DOCK3: variants seen among roughly 807,000 people sequenced by gnomAD.
DOCK3 encodes dedicator of cytokinesis 3, also known as dedicator of cytokinesis protein 3.
Under a neutral mutation model 265.6 loss-of-function variants are expected in DOCK3, and 60 were observed. The ratio of observed to expected loss-of-function variants is 0.23; its 90% CI spans 0.18 to 0.28. The LOEUF is 0.28. Among genes scored for constraint, DOCK3 ranks in the 10% least tolerant of loss-of-function variants. DOCK3 has a pLI of 1.00. For synonymous variants in DOCK3, 881 were observed against 938.0 expected, an observed-to-expected ratio of 0.94 and a Z score of 1.11; for missense variants, 1,981 against 2,594.3, an observed-to-expected ratio of 0.76 and a Z score of 5.14.
chr3:50,909,083 CTCTT>C (rs1237515243), intron 4 of DOCK3, among the ~76,000 whole-genome samples: 8 of 151,760 alleles, frequency 5.3e-5, no homozygotes, highest in Admixed American at 5.3e-4. Context: ...TTTCCTCCAT[CTCTT>C]TATTTTGAGC....
intron 2 of DOCK3, among the ~76,000 whole-genome samples, chr3:50,823,582 G>A (rs967906973): frequency 6.6e-6 from 1 of 152,134 alleles, no homozygotes; most frequent in African/African-American, 2.4e-5. Context: ...ACACAGACAC[G>A]GCAACCATCC....
intron 21 of DOCK3, 44 bp from the exon 22 acceptor site, chr3:51,246,682 C>T: frequency 1.3e-6 from 2 of 1,572,986 alleles, no homozygotes; most frequent in Non-Finnish European, 1.7e-6. Flanking sequence ...AGCTGCATTA[C>T]TTTTGAATTA....
intron 4 of DOCK3, among the ~76,000 whole-genome samples, chr3:50,908,210 T>TC: frequency 6.8e-6 from 1 of 146,560 alleles, no homozygotes; most frequent in African/African-American, 2.5e-5. Flanking sequence ...TTTTTTTTTT[T>TC]CATCTCAATT....
At chr3:50,682,720 C>T (rs946715727) in intron 1 of DOCK3, among the ~76,000 whole-genome samples, 1 of 152,232 alleles carries the variant, frequency 6.6e-6, no homozygotes, top group African/African-American at 2.4e-5. Flanking sequence ...GGGTGGATCA[C>T]TTGAGGTCAG....
At position 51,246,771 on chromosome 3, in the gene DOCK3, A is replaced by G. The variant is rs759414081; in HGVS notation, c.2148A>G (p.Glu716=). 6.2e-7 allele frequency: 1 copy of G among 1,613,628 alleles called. No individual in the cohort carries two copies. The highest frequency in any genetic ancestry group is 1.1e-5 in the South Asian group (1 of 90,928). ...AGTGGTATATGGACTGCTCAGCAGAACTGATTCGACAGGACCACATTCAAG... is the reference window on the plus strand; with the variant it reads ...AGTGGTATATGGACTGCTCAGCAGAGCTGATTCGACAGGACCACATTCAAG... ...CLKWYMDCSA[E]LIRQDHIQEA... Residue 716 remains glutamate (E), a synonymous_variant, in exon 22 of 53, where the codon GAA becomes GAG. Coordinates refer to ENST00000266037, the MANE Select transcript of DOCK3 (RefSeq NM_004947.5).
intron 23 of DOCK3, among the ~76,000 whole-genome samples, chr3:51,264,829 A>AAATAAAT (rs1553820740): frequency 1.4e-5 from 2 of 142,160 alleles, no homozygotes; most frequent in Non-Finnish European, 3.0e-5. Flanking sequence ...TCAGTCTCAA[A>AAATAAAT]AAATAAATAA....
intron 5 of DOCK3, among the ~76,000 whole-genome samples, chr3:51,037,807 C>T (rs2080327462): frequency 1.3e-5 from 2 of 152,220 alleles, no homozygotes; most frequent in South Asian, 4.1e-4. Context: ...TCAAAACTAC[C>T]AGTTTATGGT....
chr3:51,174,778 C>T (rs905734245), intron 12 of DOCK3, among the ~76,000 whole-genome samples: 2 of 152,086 alleles, frequency 1.3e-5, no homozygotes, highest in Non-Finnish European at 2.9e-5. Context: ...CTCTTATGTC[C>T]CCAGACTAAT....
chr3:50,886,898 C>A (rs771625102), intron 3 of DOCK3, among the ~76,000 whole-genome samples: 1 of 151,942 alleles, frequency 6.6e-6, no homozygotes, highest in Non-Finnish European at 1.5e-5. Flanking sequence ...TAAATGCCCA[C>A]AAGAGAAAGC....
At chr3:50,847,492 G>A (rs1218835804) in intron 3 of DOCK3, among the ~76,000 whole-genome samples, 1 of 152,126 alleles carries the variant, frequency 6.6e-6, no homozygotes, top group African/African-American at 2.4e-5. Flanking sequence ...TTCTGTACAT[G>A]TCTGTTAGGT....
intron 10 of DOCK3, among the ~76,000 whole-genome samples, chr3:51,155,100 C>G (rs2085784820): frequency 6.6e-6 from 1 of 152,038 alleles, no homozygotes; most frequent in Admixed American, 6.6e-5. Flanking sequence ...CTGCCTCGGT[C>G]TCCTGAGTAG....
rs2049770729 is a variant in DOCK3 at position 50,909,841 on chromosome 3, T to G, written c.218+19760T>G. Among the ~76,000 whole-genome samples the G allele has an allele frequency of 2.0e-5, 3 of 152,070 alleles. No homozygotes were observed. In the South Asian group the frequency reaches 6.2e-4, roughly 32 times the overall value. ...CCAACCTAGTTCTGTTCTCTCCATCTCTTTCAGGTAACTCAATCAGTTGTA... is the reference window on the plus strand; with the variant it reads ...CCAACCTAGTTCTGTTCTCTCCATCGCTTTCAGGTAACTCAATCAGTTGTA... On this transcript the variant is annotated intron_variant, in intron 4 of 52. Coordinates refer to ENST00000266037, the MANE Select transcript of DOCK3 (RefSeq NM_004947.5).
chr3:51,044,697 G>A (rs1352678106), intron 5 of DOCK3, among the ~76,000 whole-genome samples: 1 of 151,866 alleles, frequency 6.6e-6, no homozygotes, highest in Non-Finnish European at 1.5e-5. Context: ...ATGTTCATCA[G>A]TGATCTTAGC....
At chr3:51,174,394 A>G (rs751550306) in intron 12 of DOCK3, among the ~76,000 whole-genome samples, 1 of 152,222 alleles carries the variant, frequency 6.6e-6, no homozygotes, top group Non-Finnish European at 1.5e-5. Context: ...ACTTGAACGC[A>G]GGAGGCGAAG....
chr3:50,936,143 C>A (rs1023369659), intron 5 of DOCK3, among the ~76,000 whole-genome samples: 4 of 151,828 alleles, frequency 2.6e-5, no homozygotes, highest in African/African-American at 9.7e-5. Flanking sequence ...GAACTGAAAT[C>A]TATAATAACC....
chr3:51,160,828 A>G (rs571063450), intron 12 of DOCK3, 126 bp downstream of exon 12: 76 of 1,211,754 alleles, frequency 6.3e-5, no homozygotes, highest in Non-Finnish European at 7.6e-5. Context: ...TGTATTCCCA[A>G]CACTTTGGGA....
chr3:50,761,290 A>G (rs1187474510), intron 1 of DOCK3, among the ~76,000 whole-genome samples: 1 of 152,196 alleles, frequency 6.6e-6, no homozygotes, highest in Non-Finnish European at 1.5e-5. Context: ...TAATAGTCTC[A>G]TGAATATCTT....
In DOCK3 at chr3:50,719,932, CG is replaced by C. The variant is rs2037368600; in HGVS notation, c.37+44633del. 1.3e-5 allele frequency: 7 copies of C among 529,072 alleles called. No homozygotes were observed. In the Admixed American group the frequency reaches 1.9e-4, roughly 14 times the overall value. The allele number at this position is 529,072 out of a possible 1,614,324, so 32.8% of individuals were successfully genotyped here. On this transcript the variant is annotated intron_variant, in intron 1 of 52. Transcript: ENST00000266037. ...GCTTGAAGGAGATGCAGCCCAAGGGCGTACCGTCCACAGTGATGTCGGGGTT... is the reference window on the plus strand; with the variant it reads ...GCTTGAAGGAGATGCAGCCCAAGGGCTACCGTCCACAGTGATGTCGGGGTT...
At chr3:51,268,808 G>T (rs1487469588) in intron 23 of DOCK3, among the ~76,000 whole-genome samples, 1 of 152,026 alleles carries the variant, frequency 6.6e-6, no homozygotes, top group Non-Finnish European at 1.5e-5. Context: ...AGGCTTCCAG[G>T]TGCTTCTGTA....
Sources: gnomAD v4.1 joint callset for allele counts (sites outside exome capture counted in the v4.1 genomes callset) on GRCh38, gnomAD v4.1.1 for gene constraint, MANE v1.5 for transcripts, NCBI Gene and HGNC (gene_info 2026-07-23, HGNC 2026-07-21) for gene names.